The following ASXL3 variants were observed in gnomAD, a reference collection of about 807,000 sequenced individuals.
ASXL3 encodes the protein putative Polycomb group protein ASXL3.
Under a neutral mutation model 170.6 loss-of-function variants are expected in ASXL3, and 34 were observed. The observed-to-expected ratio is 0.20, with a 90% CI of 0.15 to 0.27. The LOEUF (loss-of-function observed/expected upper bound fraction) is 0.27. Among genes scored for constraint, ASXL3 ranks in the 10% least tolerant of loss-of-function variants. ASXL3 has a pLI of 1.00. For synonymous variants in ASXL3, 1,002 were observed against 989.1 expected (o/e 1.01, Z -0.24); for missense variants, 2,592 against 2,695.3 (o/e 0.96, Z 0.85).
At chr18:33,716,049 G>A (rs2067159242) in intron 8 of ASXL3, among the ~76,000 whole-genome samples, 1 of 152,176 alleles carries the variant, frequency 6.6e-6, no homozygotes, top group African/African-American at 2.4e-5. Flanking sequence ...TGTTAAAAGG[G>A]CAAAGACCTT....
intron 1 of ASXL3, among the ~76,000 whole-genome samples, chr18:33,579,888 C>T (rs1473950698): frequency 6.6e-6 from 1 of 152,164 alleles, no homozygotes; most frequent in Non-Finnish European, 1.5e-5. Flanking sequence ...TAACTGTAGT[C>T]ATTTTGAAAA....
intron 8 of ASXL3, among the ~76,000 whole-genome samples, chr18:33,712,736 C>A (rs140867227): frequency 6.6e-6 from 1 of 152,216 alleles, no homozygotes; most frequent in Non-Finnish European, 1.5e-5. Flanking sequence ...TGTATGTGTG[C>A]ATTTGTTAGT....
At chr18:33,742,713 TAC>T (rs1284753821) in intron 11 of ASXL3, among the ~76,000 whole-genome samples, 173 bp from the exon 12 acceptor site, 1 of 152,230 alleles carries the variant, frequency 6.6e-6, no homozygotes, top group Non-Finnish European at 1.5e-5. Flanking sequence ...TTTCCATTCA[TAC>T]TACGTTTCTT....
intron 2 of ASXL3, among the ~76,000 whole-genome samples, chr18:33,637,413 A>G (rs998517471): frequency 6.6e-6 from 1 of 152,134 alleles, no homozygotes; most frequent in African/African-American, 2.4e-5. Flanking sequence ...AATGCAACAT[A>G]CATTTCTCAA....
intron 8 of ASXL3, among the ~76,000 whole-genome samples, chr18:33,708,374 A>T (rs201999744): frequency 5.9e-5 from 9 of 152,242 alleles, no homozygotes; most frequent in Non-Finnish European, 1.0e-4. Flanking sequence ...AATAGCATGC[A>T]TATTGAATGT....
rs542899566 is a variant in ASXL3 at position 33,609,604 on chromosome 18, C to T, written c.137+1928C>T. 3.3e-5 allele frequency among the ~76,000 whole-genome samples: 5 copies of T among 152,126 alleles called. No homozygotes were observed. The South Asian group carries it at 1.0e-3, about 31-fold the overall frequency. ...ACAAACAAATTTTAAAAACCAACTT[C>T]TTCAAAGAGTAATTAAAGAACACTG... On this transcript the variant is annotated intron_variant, in intron 2 of 11. Coordinates refer to ENST00000269197, the MANE Select transcript of ASXL3 (RefSeq NM_030632.3).
intron 7 of ASXL3, among the ~76,000 whole-genome samples, chr18:33,676,175 G>A (rs1355711627): frequency 7.7e-6 from 1 of 130,406 alleles, no homozygotes; most frequent in East Asian, 2.7e-4. Context: ...AGTGATCTGA[G>A]ATGGCACCAC....
In ASXL3 at chr18:33,738,542, G is replaced by A; in HGVS notation, c.1138G>A (p.Gly380Arg). Residue 380 changes from glycine (G) to arginine (R), a missense_variant, in exon 11 of 12, where the codon GGA becomes AGA. Gly to Arg is a moderately radical substitution (Grantham distance 125, BLOSUM62 -2). Around this residue, in one of 4 missense-constraint regions of ASXL3, gnomAD observed 2,246 missense variants for 2,219.6 expected, o/e 1.01. Coordinates refer to ENST00000269197, the MANE Select transcript of ASXL3 (RefSeq NM_030632.3). ...GCTCACTACTGGACCAAACAACGCT[G>A]GAGCTCAAAGTAGTTCTTCATGTGG... Reference protein sequence around the residue: ...VKLTTGPNNAGAQSSSSCGTS... With the variant: ...VKLTTGPNNARAQSSSSCGTS... The A allele has an allele frequency of 1.9e-6, 3 of 1,613,710 alleles. No individual in the cohort carries two copies. The highest frequency in any genetic ancestry group is 2.5e-6 in the Non-Finnish European group (3 of 1,179,790).
intron 1 of ASXL3, among the ~76,000 whole-genome samples, chr18:33,599,052 GAA>G (rs1273656472): frequency 1.3e-5 from 2 of 152,080 alleles, no homozygotes; most frequent in African/African-American, 4.8e-5. Flanking sequence ...TTAAAAAAGA[GAA>G]GAGAAAAATT....
intron 2 of ASXL3, among the ~76,000 whole-genome samples, chr18:33,622,799 A>T (rs2145155647): frequency 6.6e-6 from 1 of 152,286 alleles, no homozygotes; most frequent in East Asian, 1.9e-4. Context: ...TGGTTTAGAC[A>T]TACACTTGCA....
intron 8 of ASXL3, among the ~76,000 whole-genome samples, chr18:33,723,344 G>A (rs2067294014): frequency 6.6e-6 from 1 of 152,122 alleles, no homozygotes; most frequent in African/African-American, 2.4e-5. Flanking sequence ...ATTCGTGGGA[G>A]GAGGTCAAAA....
intron 2 of ASXL3, among the ~76,000 whole-genome samples, chr18:33,628,869 GGTT>G (rs2065637852): frequency 6.6e-6 from 1 of 152,048 alleles, no homozygotes; most frequent in Non-Finnish European, 1.5e-5. Context: ...TTCAGTAAAT[GGTT>G]GTTTTCATCT....
At chr18:33,705,937 T>C (rs2066948260) in intron 8 of ASXL3, among the ~76,000 whole-genome samples, 2 of 151,894 alleles carry the variant, frequency 1.3e-5, no homozygotes, top group African/African-American at 4.8e-5. Context: ...CCTACTATCC[T>C]GACTTTTTTC....
At chr18:33,738,434 G>T (rs2067585513) in intron 10 of ASXL3, 53 bp from the exon 11 acceptor site, 9 of 1,492,458 alleles carry the variant, frequency 6.0e-6, no homozygotes, top group Non-Finnish European at 8.1e-6. Context: ...GATCCCAGTT[G>T]TACCTTTTAT....
chr18:33,578,730 C>A (rs779505543), intron 1 of ASXL3, 45 bp downstream of exon 1: 2 of 1,136,314 alleles, frequency 1.8e-6, no homozygotes, highest in South Asian at 3.6e-5. Flanking sequence ...CCGCCGGCCC[C>A]GCCGCTCGCC....
intron 8 of ASXL3, among the ~76,000 whole-genome samples, chr18:33,714,315 T>A (rs2145357136): frequency 6.6e-6 from 1 of 152,272 alleles, no homozygotes; most frequent in East Asian, 1.9e-4. Context: ...GGGCTCAAAT[T>A]GAATTCAATA....
chr18:33,689,817 TA>T (rs1216793299), intron 8 of ASXL3, among the ~76,000 whole-genome samples: 2 of 152,216 alleles, frequency 1.3e-5, no homozygotes, highest in African/African-American at 4.8e-5. Context: ...TTAAACTGTG[TA>T]AATATCCTGT....
intron 8 of ASXL3, among the ~76,000 whole-genome samples, chr18:33,705,536 T>C (rs1309126973): frequency 6.6e-6 from 1 of 151,842 alleles, no homozygotes; most frequent in African/African-American, 2.4e-5. Flanking sequence ...ATTTTTAATA[T>C]ATGCCAAACT....
intron 8 of ASXL3, among the ~76,000 whole-genome samples, chr18:33,701,179 A>C (rs2145326303): frequency 6.6e-6 from 1 of 152,068 alleles, no homozygotes; most frequent in Non-Finnish European, 1.5e-5. Context: ...AAGTATTCTA[A>C]TCTTTTTATA....
Sources: gnomAD v4.1 joint callset for allele counts (sites outside exome capture counted in the v4.1 genomes callset) on GRCh38, gnomAD v4.1.1 for gene constraint, gnomAD v4.1.1 regional missense constraint, MANE v1.5 for transcripts, NCBI Gene and HGNC (gene_info 2026-07-23, HGNC 2026-07-21) for gene names.